Variants in RANGAP1 observed in about 807,000 individuals in gnomAD.
RANGAP1 encodes Ran GTPase activating protein 1, also known as ran GTPase-activating protein 1.
In RANGAP1, 38 loss-of-function variants were observed where a neutral mutation model predicts 63.5. The observed-to-expected ratio is 0.60, with a 90% CI of 0.46 to 0.78. The LOEUF (loss-of-function observed/expected upper bound fraction) is 0.78, where lower values mean the gene tolerates loss of function less well. Ranked by LOEUF, RANGAP1 falls within the 30% of genes least tolerant of loss-of-function variation. RANGAP1 has a pLI of 0.00. For synonymous variants in RANGAP1, 329 were observed against 310.5 expected (o/e 1.06, Z -0.63); for missense variants, 630 against 740.3 (o/e 0.85, Z 1.73).
chr22:41,256,084 C>T lies in RANGAP1; in HGVS notation c.1010G>A (p.Gly337Asp). 6.2e-7 allele frequency: 1 copy of T among 1,614,128 alleles called. No individual in the cohort carries two copies. The highest frequency in any genetic ancestry group is 8.5e-7 in the Non-Finnish European group (1 of 1,180,036). ...DLNGNTLGEE[G>D]CEQLQEVLEG... ...CAGCACCTCCTGAAGCTGTTCACAGCCTTCTTCTCCCAGGGTGTTGCCTGC... is the reference window on the plus strand; with the variant it reads ...CAGCACCTCCTGAAGCTGTTCACAGTCTTCTTCTCCCAGGGTGTTGCCTGC... The change falls in exon 10 of 16, where the codon GGC becomes GAC. Residue 337 changes from glycine to aspartate, a missense_variant. By Grantham distance (94) the Gly-to-Asp change is moderately conservative. This residue lies in a region of RANGAP1 where 428 missense variants were observed against 465.5 expected (regional missense o/e 0.92). Coordinates refer to ENST00000356244, the MANE Select transcript of RANGAP1 (RefSeq NM_002883.4).
chr22:41,276,033 C>T (rs190200301), intron 2 of RANGAP1, among the ~76,000 whole-genome samples: 3 of 152,248 alleles, frequency 2.0e-5, no homozygotes, highest in African/African-American at 4.8e-5. Flanking sequence ...AATAGTTATA[C>T]CAGCACTGCT....
At chr22:41,292,912 T>C in the RANGAP1 span, among the ~76,000 whole-genome samples, 1 of 149,394 alleles carries the variant, frequency 6.7e-6, no homozygotes, top group African/African-American at 2.5e-5. Context: ...CAGACCATCC[T>C]GGGCAACACA....
chr22:41,268,142 A>G lies in RANGAP1; in HGVS notation c.255T>C (p.Ser85=). 5 of 1,555,498 alleles carry G rather than the reference A, an allele frequency of 3.2e-6. No homozygotes were observed. The highest frequency in any genetic ancestry group is 4.4e-6 in the Non-Finnish European group (5 of 1,148,542). The change falls in exon 4 of 16, where the codon AGT becomes AGC. Residue 85 remains serine, a synonymous_variant. Coordinates refer to ENST00000356244, the MANE Select transcript of RANGAP1 (RefSeq NM_002883.4). ...TCCGCAGCCTTCCCGTGAACATGTC[A>G]CTCCAGTGGCAGCGCTGCAACGGAA... ...KKSELKRCHW[S]DMFTGRLRTE...
At chr22:41,291,017 A>G (rs186589645), upstream of RANGAP1, among the ~76,000 whole-genome samples, 4 of 152,360 alleles carry the variant, frequency 2.6e-5, no homozygotes, top group Admixed American at 2.6e-4. Flanking sequence ...TGCATCATCT[A>G]TGAAGGACAG....
At chr22:41,278,035 TGA>T (rs999537110) in intron 2 of RANGAP1, among the ~76,000 whole-genome samples, 2 of 140,742 alleles carry the variant, frequency 1.4e-5, no homozygotes, top group Non-Finnish European at 3.0e-5. Context: ...CAGCCAAACT[TGA>T]GTTTTTTTTT....
At chr22:41,293,680 G>C in the RANGAP1 span, among the ~76,000 whole-genome samples, 1 of 148,966 alleles carries the variant, frequency 6.7e-6, no homozygotes, top group Non-Finnish European at 1.5e-5. Context: ...TTGGGAGGCT[G>C]AGGCAGGAGA....
intron 15 of RANGAP1, among the ~76,000 whole-genome samples, chr22:41,248,595 T>A (rs1601581928): frequency 1.3e-5 from 2 of 152,342 alleles, no homozygotes; most frequent in East Asian, 1.9e-4. Flanking sequence ...GTGTGGCTGG[T>A]CAGGGCGCTT....
chr22:41,275,745 C>T (rs908076397), intron 2 of RANGAP1, among the ~76,000 whole-genome samples: 3 of 151,612 alleles, frequency 2.0e-5, no homozygotes, highest in African/African-American at 7.3e-5. Context: ...CACCACTACA[C>T]TCTAGCCTGG....
chr22:41,252,580 C>T (rs1253917074), intron 12 of RANGAP1, among the ~76,000 whole-genome samples: 1 of 152,120 alleles, frequency 6.6e-6, no homozygotes, highest in East Asian at 1.9e-4. Context: ...AGAGAGAAGC[C>T]AAGGAGGGGG....
intron 6 of RANGAP1, among the ~76,000 whole-genome samples, chr22:41,258,740 T>C (rs1433752887): frequency 6.6e-6 from 1 of 152,210 alleles, no homozygotes; most frequent in Non-Finnish European, 1.5e-5. Context: ...TCGCAACCTC[T>C]GCCTCCCAGG....
At chr22:41,281,608 G>T (rs2035494592) in intron 1 of RANGAP1, 1 of 986,930 alleles carries the variant, frequency 1.0e-6, no homozygotes, top group Non-Finnish European at 1.2e-6. Flanking sequence ...CAGCCCCACT[G>T]CACGTCTGGT....
intron 2 of RANGAP1, chr22:41,280,552 C>T: frequency 1.6e-6 from 1 of 634,534 alleles, no homozygotes; most frequent in Non-Finnish European, 2.4e-6. Context: ...CTGGGGAAAG[C>T]TGCAGCTATT....
chr22:41,269,443 A>G (rs1311348883), intron 3 of RANGAP1, among the ~76,000 whole-genome samples: 1 of 152,130 alleles, frequency 6.6e-6, no homozygotes, highest in Admixed American at 6.6e-5. Flanking sequence ...ATTTCAAAAT[A>G]CCTAGAAGAT....
intron 2 of RANGAP1, chr22:41,277,474 C>T: frequency 1.7e-6 from 2 of 1,196,840 alleles, no homozygotes; most frequent in South Asian, 2.5e-5. Context: ...CCAAAACTTA[C>T]ATGAAACAAA....
At chr22:41,287,370 C>G (rs1410667596), upstream of RANGAP1, among the ~76,000 whole-genome samples, 1 of 79,478 alleles carries the variant, frequency 1.3e-5, no homozygotes, top group Non-Finnish European at 3.4e-5. Context: ...ACACAAACAG[C>G]GTTTTTTTTT....
At chr22:41,261,698 G>C in intron 5 of RANGAP1, 118 bp from the exon 6 acceptor site, 27 of 1,268,252 alleles carry the variant, frequency 2.1e-5, no homozygotes, top group Non-Finnish European at 3.0e-5. Flanking sequence ...CAGGTCAGGG[G>C]ACGCAGGACT....
chr22:41,297,708 T>G, the RANGAP1 span, among the ~76,000 whole-genome samples: 1 of 119,980 alleles, frequency 8.3e-6, no homozygotes, highest in African/African-American at 2.8e-5. Flanking sequence ...TTTTTTTTTT[T>G]GAGACCGAGT....
At position 41,271,857 on chromosome 22, in the gene RANGAP1, G is replaced by A. The variant is rs111760965; in HGVS notation, c.240+2743C>T. Among the ~76,000 whole-genome samples, 300 of 152,292 alleles carry A rather than the reference G, an allele frequency of 2.0e-3. 2 individuals are homozygous for A. The highest frequency in any genetic ancestry group is 0.017 in the Middle Eastern group (5 of 294). On this transcript the variant is annotated intron_variant, in intron 3 of 15. Transcript: ENST00000356244. Reference sequence around the variant, plus strand: ...CCCCTCTGGCATCAGCACTACGCCCGGAACACTGGGCCATCAAGGGCAGAT... The same window carrying A: ...CCCCTCTGGCATCAGCACTACGCCCAGAACACTGGGCCATCAAGGGCAGAT...
At chr22:41,275,734 ACAC>A (rs1240078962) in intron 2 of RANGAP1, among the ~76,000 whole-genome samples, 3 of 151,622 alleles carry the variant, frequency 2.0e-5, no homozygotes, top group Non-Finnish European at 4.4e-5. Flanking sequence ...AGCCGAGATC[ACAC>A]CACTACACTC....
Sources: gnomAD v4.1 joint callset for allele counts (sites outside exome capture counted in the v4.1 genomes callset) on GRCh38, gnomAD v4.1.1 for gene constraint, gnomAD v4.1.1 regional missense constraint, MANE v1.5 for transcripts, NCBI Gene and HGNC (gene_info 2026-07-23, HGNC 2026-07-21) for gene names.